Variants in RBP4 observed in about 807,000 individuals in gnomAD.
The protein encoded by RBP4 is retinol binding protein 4.
RBP4 carries 9 observed loss-of-function variants against 26.2 expected under a neutral mutation model. The observed-to-expected ratio is 0.34, with a 90% CI of 0.21 to 0.60. RBP4 has a LOEUF of 0.60. RBP4 is among the 20% of genes least tolerant of loss of function. The pLI, the probability that RBP4 is intolerant of heterozygous loss-of-function variation, is 0.80. For synonymous variants in RBP4, 114 were observed against 111.0 expected, an observed-to-expected ratio of 1.03 and a Z score of -0.17; for missense variants, 244 against 271.3, an observed-to-expected ratio of 0.90 and a Z score of 0.71.
chr10:93,592,484 T>C (rs17108990), intron 5 of RBP4, among the ~76,000 whole-genome samples: 3,527 of 152,278 alleles, frequency 0.023, 56 homozygotes, highest in Non-Finnish European at 0.034. Flanking sequence ...GTGATGGTTT[T>C]ATAAAGTGCT....
chr10:93,596,899 A>G (rs57032472), intron 4 of RBP4, among the ~76,000 whole-genome samples: 13,308 of 152,288 alleles, frequency 0.087, 722 homozygotes, highest in African/African-American at 0.13. Flanking sequence ...CTAACAGTCC[A>G]GCTGAGCCAG....
At chr10:93,594,466 C>T (rs1773127507) in intron 4 of RBP4, among the ~76,000 whole-genome samples, 1 of 152,196 alleles carries the variant, frequency 6.6e-6, no homozygotes, top group South Asian at 2.1e-4. Context: ...CCAATATTGG[C>T]TTATGTCTTT....
In RBP4 at chr10:93,601,182, G is replaced by C; in HGVS notation, c.-30C>G. On this transcript the variant is annotated 5_prime_UTR_variant, in exon 1 of 6. Coordinates refer to ENST00000371464, the MANE Select transcript of RBP4 (RefSeq NM_006744.4). ...CGGCCGCGACTCACCACCGGGAGGGGAACCGCGCGCAAGCCTGGCCGCCGA... is the reference window on the plus strand; with the variant it reads ...CGGCCGCGACTCACCACCGGGAGGGCAACCGCGCGCAAGCCTGGCCGCCGA... 2.2e-6 allele frequency: 3 copies of C among 1,395,010 alleles called. No individual in the cohort carries two copies. Among genetic ancestry groups the C allele is most frequent in the Non-Finnish European group, 2.8e-6 (3 of 1,085,296 alleles). 86.4% of individuals were successfully genotyped at this position (1,395,010 alleles called of 1,614,324 possible).
In RBP4 at chr10:93,600,653, C is replaced by G. The variant is rs747664192; in HGVS notation, c.248+14G>C. On this transcript the variant is annotated intron_variant, in intron 3 of 5. Transcript: ENST00000371464. ...TGGAGCGCAAAGGGCGCAGCTGCCCCGGCGGCCACTGACTTCAAAAGACGG... is the reference window on the plus strand; with the variant it reads ...TGGAGCGCAAAGGGCGCAGCTGCCCGGGCGGCCACTGACTTCAAAAGACGG... 10 of 1,611,868 alleles carry G rather than the reference C, an allele frequency of 6.2e-6. No homozygotes were observed. Among genetic ancestry groups the G allele is most frequent in the Admixed American group, 1.7e-5 (1 of 59,708 alleles).
At position 93,600,355 on chromosome 10, in the gene RBP4, C is replaced by G. The variant is rs374608815; in HGVS notation, c.355+38G>C. The G allele has an allele frequency of 7.0e-6, 11 of 1,570,650 alleles. No homozygotes were observed. The African/African-American group carries it at 9.5e-5, about 13-fold the overall frequency. The stretch of plus-strand genomic sequence containing the variant: ...CCCAGCGATTTGGCCCGGTAGGCGC[C>G]CCATTCCCAAGACAGTCCCACAGAG... On this transcript the variant is annotated intron_variant, in intron 4 of 5. Transcript: ENST00000371464.
chr10:93,601,343 A>G (rs2058338355), upstream of RBP4: 2 of 1,234,660 alleles, frequency 1.6e-6, no homozygotes, highest in Admixed American at 4.4e-5. Context: ...GGGCACTTGC[A>G]TAACGCGCCC....
At chr10:93,598,362 G>A (rs778572467) in intron 4 of RBP4, among the ~76,000 whole-genome samples, 10 of 152,198 alleles carry the variant, frequency 6.6e-5, no homozygotes, top group African/African-American at 2.2e-4. Flanking sequence ...TGCAGATGAC[G>A]AAATAGGCAC....
rs76744432 is a variant in RBP4, at chr10:93,592,549, C to T, written c.569-437G>A. ...GGTGTGGCACAAGGGACTTCAGAGT[C>T]ACAAAACTCTAGGTTTGCATCCAAC... is the stretch of plus-strand genomic sequence containing the variant. On this transcript the variant is annotated intron_variant, in intron 5 of 5. Coordinates refer to ENST00000371464, the MANE Select transcript of RBP4 (RefSeq NM_006744.4). Among the ~76,000 whole-genome samples, 348 of 152,282 alleles carry T rather than the reference C, an allele frequency of 2.3e-3. 7 individuals carry two copies. In the East Asian group the frequency reaches 0.054, roughly 24 times the overall value.
intron 4 of RBP4, among the ~76,000 whole-genome samples, chr10:93,597,467 C>T (rs2058309620): frequency 6.6e-6 from 1 of 152,194 alleles, no homozygotes; most frequent in African/African-American, 2.4e-5. Flanking sequence ...GAAATAGAAA[C>T]TATTCTTTAT....
intron 2 of RBP4, 55 bp from the exon 3 acceptor site, chr10:93,600,858 G>A (rs2058332781): frequency 2.5e-6 from 4 of 1,599,184 alleles, no homozygotes; most frequent in Non-Finnish European, 3.4e-6. Context: ...GGCGGGCCGC[G>A]GGGAGGGCGG....
At chr10:93,597,799 G>A (rs1751607129) in intron 4 of RBP4, among the ~76,000 whole-genome samples, 1 of 152,226 alleles carries the variant, frequency 6.6e-6, no homozygotes, top group African/African-American at 2.4e-5. Context: ...GATGCAGTGT[G>A]TGGAGCAGGG....
rs2058329552 is a variant in RBP4, at chr10:93,600,514, G to A, written c.249-15C>T. 3.7e-6 allele frequency: 6 copies of A among 1,613,894 alleles called. No individual in the cohort carries two copies. The highest frequency in any genetic ancestry group is 5.1e-6 in the Non-Finnish European group (6 of 1,179,944). On this transcript the variant is annotated splice_polypyrimidine_tract_variant and intron_variant, in intron 3 of 5. Transcript: ENST00000371464. ...CGTCCCAGTTACTGCAAAAGCCAAG[G>A]GGATCCTCAGCCAAGCCGGGCAAAG...
chr10:93,601,071 T>G, intron 1 of RBP4, 25 bp from the exon 2 acceptor site: 4 of 1,598,414 alleles, frequency 2.5e-6, no homozygotes, highest in Non-Finnish European at 3.4e-6. Flanking sequence ...CCTCCGTCAG[T>G]GCCCGGCAGC....
upstream of RBP4, chr10:93,601,419 G>A: frequency 7.7e-7 from 1 of 1,291,000 alleles, no homozygotes; most frequent in Non-Finnish European, 1.0e-6. Flanking sequence ...GGACAGCCTC[G>A]GGCACAGTGG....
At position 93,600,722 on chromosome 10, in the gene RBP4, C is replaced by G; in HGVS notation, c.193G>C (p.Val65Leu). 2 of 1,610,734 alleles carry G rather than the reference C, an allele frequency of 1.2e-6. No individual in the cohort carries two copies. The highest frequency in any genetic ancestry group is 1.1e-5 in the South Asian group (1 of 90,270). Residue 65 changes from valine (V) to leucine (L), a missense_variant, in exon 3 of 6, where the codon GTG (valine) becomes CTG (leucine). By Grantham distance (32) the Val-to-Leu change is conservative. Coordinates refer to ENST00000371464, the MANE Select transcript of RBP4 (RefSeq NM_006744.4). ...LQDNIVAEFS[V>L]DETGQMSATA... ...GCGCTCATCTGGCCGGTCTCGTCCA[C>G]GGAGAACTCCGCGACGATGTTGTCC...
At position 93,600,512 on chromosome 10, in the gene RBP4, A is replaced by AG. The variant is rs1421054441; in HGVS notation, c.249-14dup. ...CACGTCCCAGTTACTGCAAAAGCCA[A>AG]GGGGATCCTCAGCCAAGCCGGGCAA... On this transcript the variant is annotated splice_polypyrimidine_tract_variant and intron_variant, in intron 3 of 5. Transcript: ENST00000371464. 4 of 1,613,930 alleles carry AG rather than the reference A, an allele frequency of 2.5e-6. No homozygotes were observed. The highest frequency in any genetic ancestry group is 3.4e-6 in the Non-Finnish European group (4 of 1,179,966).
intron 5 of RBP4, among the ~76,000 whole-genome samples, chr10:93,592,325 G>A (rs1000096870): frequency 2.0e-5 from 3 of 152,218 alleles, no homozygotes; most frequent in South Asian, 2.1e-4. Context: ...TTCTCTGGAC[G>A]TAATGGGGGT....
chr10:93,593,761 C>T lies in RBP4; in HGVS notation c.568+62G>A, dbSNP rs1181311955. ...AAAATGAATTTCACTAGCACGTGGG[C>T]CCCTTAGTCCAAACCCACTGCCCTG... On this transcript the variant is annotated intron_variant, in intron 5 of 5. Transcript: ENST00000371464. The T allele has an allele frequency of 2.3e-5, 36 of 1,544,920 alleles. No homozygotes were observed. In the East Asian group the frequency reaches 7.2e-4, roughly 31 times the overall value.
At chr10:93,598,595 T>C (rs1279539497) in intron 4 of RBP4, among the ~76,000 whole-genome samples, 1 of 152,226 alleles carries the variant, frequency 6.6e-6, no homozygotes, top group Non-Finnish European at 1.5e-5. Context: ...TTTTTCGCCC[T>C]CCAAATGAAA....
Sources: allele counts gnomAD v4.1 joint callset (sites outside exome capture counted in the v4.1 genomes callset), GRCh38; gene constraint gnomAD v4.1.1; transcripts MANE v1.5; gene names NCBI Gene and HGNC (gene_info 2026-07-23, HGNC 2026-07-21).